RORA: variants seen among roughly 807,000 people sequenced by gnomAD.
RORA encodes nuclear receptor ROR-alpha.
RORA carries 7 observed loss-of-function variants against 69.5 expected under a neutral mutation model. The ratio of observed to expected loss-of-function variants is 0.10; its 90% CI spans 0.06 to 0.19. The LOEUF (loss-of-function observed/expected upper bound fraction) is 0.19. Ranked by LOEUF, RORA falls within the 10% of genes least tolerant of loss-of-function variation. The probability of loss-of-function intolerance (pLI) is 1.00; values close to 1 mark genes in which losing one functional copy is unlikely to be tolerated. For missense variants in RORA, 457 were observed against 663.0 expected, an observed-to-expected ratio of 0.69 and a Z score of 3.41; for synonymous variants, 261 against 240.8, an observed-to-expected ratio of 1.08 and a Z score of -0.78.
At chr15:60,792,301 C>A (rs1337976518) in intron 1 of RORA, among the ~76,000 whole-genome samples, 1 of 152,124 alleles carries the variant, frequency 6.6e-6, no homozygotes, top group Non-Finnish European at 1.5e-5. Flanking sequence ...GCCTCAGTGA[C>A]TTGAGCATTA....
chr15:60,765,374 A>G (rs1270463040), intron 1 of RORA: 1 of 152,050 alleles, frequency 6.6e-6, no homozygotes, highest in African/African-American at 2.4e-5. Flanking sequence ...TGTCACTCCC[A>G]AAACAATCCT....
At chr15:60,650,432 G>GA (rs1469066824) in intron 2 of RORA, among the ~76,000 whole-genome samples, 2 of 152,292 alleles carry the variant, frequency 1.3e-5, no homozygotes, top group Non-Finnish European at 2.9e-5. Flanking sequence ...AAGTTGGCCT[G>GA]AAAATCCCAC....
At chr15:60,828,650 G>T (rs1199088797) in intron 1 of RORA, among the ~76,000 whole-genome samples, 1 of 152,134 alleles carries the variant, frequency 6.6e-6, no homozygotes, top group Non-Finnish European at 1.5e-5. Flanking sequence ...GAGGCACTGG[G>T]GCAGAAACCA....
chr15:60,743,035 T>TTC (rs2071595694), intron 1 of RORA, among the ~76,000 whole-genome samples: 1 of 150,234 alleles, frequency 6.7e-6, no homozygotes, highest in African/African-American at 2.4e-5. Flanking sequence ...TTTTTTTTTT[T>TTC]TTTTAGTCTC....
At chr15:61,192,799 A>C (rs2079812606) in intron 1 of RORA, among the ~76,000 whole-genome samples, 1 of 152,198 alleles carries the variant, frequency 6.6e-6, no homozygotes, top group Non-Finnish European at 1.5e-5. Context: ...TGGTTGTCAG[A>C]GAGTTCCAGT....
intron 1 of RORA, among the ~76,000 whole-genome samples, chr15:61,001,982 GC>G (rs1241416133): frequency 1.3e-5 from 2 of 152,220 alleles, no homozygotes; most frequent in Admixed American, 6.5e-5. Flanking sequence ...ACAGAGCGTG[GC>G]CCACGGGGGC....
chr15:60,634,561 C>T (rs949683295), intron 2 of RORA, among the ~76,000 whole-genome samples: 7 of 151,002 alleles, frequency 4.6e-5, no homozygotes, highest in Admixed American at 1.3e-4. Flanking sequence ...CCCGCCACCA[C>T]GCCCGGCTAA....
intron 3 of RORA, among the ~76,000 whole-genome samples, chr15:60,526,850 T>C (rs2066373732): frequency 1.3e-5 from 2 of 152,256 alleles, no homozygotes; most frequent in Admixed American, 6.5e-5. Context: ...GGAACATTCA[T>C]ATAAAGCTGC....
At chr15:60,750,846 T>A (rs774201628) in intron 1 of RORA, among the ~76,000 whole-genome samples, 1 of 152,174 alleles carries the variant, frequency 6.6e-6, no homozygotes, top group Non-Finnish European at 1.5e-5. Flanking sequence ...GCATGCTTCA[T>A]AGACAAAGCC....
At chr15:61,034,452 C>T (rs763175992) in intron 1 of RORA, among the ~76,000 whole-genome samples, 17 of 152,040 alleles carry the variant, frequency 1.1e-4, no homozygotes, top group African/African-American at 3.6e-4. Flanking sequence ...CACTTCTGAA[C>T]GACAATTACA....
chr15:60,563,926 C>G (rs1383276427), intron 2 of RORA, among the ~76,000 whole-genome samples: 1 of 152,064 alleles, frequency 6.6e-6, no homozygotes, highest in Non-Finnish European at 1.5e-5. Flanking sequence ...ATGAAACATC[C>G]CCATACAATT....
intron 1 of RORA, among the ~76,000 whole-genome samples, chr15:61,060,839 C>CA (rs927511738): frequency 3.2e-4 from 47 of 148,134 alleles, no homozygotes; most frequent in African/African-American, 9.4e-4. Flanking sequence ...GCTGATGAGC[C>CA]AAAAAAAAAA....
At chr15:61,202,164 T>C (rs1417922619) in intron 1 of RORA, among the ~76,000 whole-genome samples, 1 of 152,106 alleles carries the variant, frequency 6.6e-6, no homozygotes, top group African/African-American at 2.4e-5. Flanking sequence ...CGCACCACCA[T>C]GCCCAGCTAA....
chr15:60,825,818 T>C (rs1053588563), intron 1 of RORA, among the ~76,000 whole-genome samples: 1 of 152,234 alleles, frequency 6.6e-6, no homozygotes, highest in Non-Finnish European at 1.5e-5. Context: ...AGTTTAGATG[T>C]ACCTTGTCTG....
chr15:61,227,240 T>C (rs377022791), intron 1 of RORA, among the ~76,000 whole-genome samples: 18 of 144,106 alleles, frequency 1.2e-4, no homozygotes, highest in Middle Eastern at 4.2e-3. Context: ...CAGAAACACA[T>C]GAAGGGGATT....
chr15:60,949,550 T>C lies in RORA; in HGVS notation c.167-270864A>G, dbSNP rs78300444. 3.3e-4 allele frequency among the ~76,000 whole-genome samples: 51 copies of C among 152,294 alleles called. 1 individual carries two copies. In the East Asian group the frequency reaches 9.7e-3, roughly 29 times the overall value. On this transcript the variant is annotated intron_variant, in intron 1 of 10. Transcript: ENST00000335670. Reference sequence around the variant, plus strand: ...AAGTACAACTCAGAGCCCTCTCCACTTCTGCTCCAATTGTCGTAGCCTCGT... The same window carrying C: ...AAGTACAACTCAGAGCCCTCTCCACCTCTGCTCCAATTGTCGTAGCCTCGT...
chr15:60,875,066 G>A (rs1222944740), intron 1 of RORA, among the ~76,000 whole-genome samples: 1 of 151,998 alleles, frequency 6.6e-6, no homozygotes, highest in Non-Finnish European at 1.5e-5. Context: ...ACTCAGAGAG[G>A]TGACAGGACT....
Position 60,497,368 on chromosome 15 carries a change from G to C in RORA, c.*87C>G, listed in dbSNP as rs1470659842. 4 of 1,175,010 alleles carry C rather than the reference G, an allele frequency of 3.4e-6. No individual in the cohort carries two copies. Among genetic ancestry groups the C allele is most frequent in the South Asian group, 1.4e-5 (1 of 72,854 alleles). The allele number at this position is 1,175,010 out of a possible 1,614,324, so 72.8% of individuals were successfully genotyped here. A position where few individuals can be genotyped will look rare whatever the true frequency, so the allele number is the denominator to read the frequency against. Reference sequence around the variant, plus strand: ...GTGTGTGGCGCTCCAGGTCTGTGCAGGGCCATATAAAGTGTCTCGGTTAAT... The same window carrying C: ...GTGTGTGGCGCTCCAGGTCTGTGCACGGCCATATAAAGTGTCTCGGTTAAT... On this transcript the variant is annotated 3_prime_UTR_variant, in exon 11 of 11. Transcript: ENST00000335670.
intron 1 of RORA, among the ~76,000 whole-genome samples, chr15:60,981,273 T>C (rs1219110982): frequency 6.6e-6 from 1 of 152,130 alleles, no homozygotes; most frequent in Admixed American, 6.5e-5. Context: ...TTGATTATGA[T>C]GTATCTCAGT....
Sources: gnomAD v4.1 joint callset for allele counts (sites outside exome capture counted in the v4.1 genomes callset) on GRCh38, gnomAD v4.1.1 for gene constraint, MANE v1.5 for transcripts, NCBI Gene and HGNC (gene_info 2026-07-23, HGNC 2026-07-21) for gene names.